The following PYCR3 variants were observed in gnomAD, a reference collection of about 807,000 sequenced individuals.
PYCR3 encodes P5C reductase 3.
A neutral mutation model predicts 23.4 loss-of-function variants in PYCR3; 26 were observed. That is an observed-to-expected ratio of 1.11 (90% confidence interval 0.81 to 1.54). The LOEUF (loss-of-function observed/expected upper bound fraction) is 1.54. Among genes scored for constraint, PYCR3 ranks in the 40% most tolerant of loss-of-function variants. The pLI, the probability that PYCR3 is intolerant of heterozygous loss-of-function variation, is 0.00. For missense variants in PYCR3, 360 were observed against 376.3 expected (o/e 0.96, Z 0.36); for synonymous variants, 194 against 162.6 (o/e 1.19, Z -1.47).
At position 143,605,670 on chromosome 8, in the gene PYCR3, A is replaced by G; in HGVS notation, c.*30T>C. On this transcript the variant is annotated 3_prime_UTR_variant, in exon 6 of 6. Coordinates refer to ENST00000495276, the MANE Select transcript of PYCR3 (RefSeq NM_023078.6). ...GGGACACAGGGAGAGGCAGGGGCACAGAGGCAGGAAAGGATGGCCAGAGCC... is the reference window on the plus strand; with the variant it reads ...GGGACACAGGGAGAGGCAGGGGCACGGAGGCAGGAAAGGATGGCCAGAGCC... The G allele has an allele frequency of 1.3e-6, 2 of 1,569,628 alleles. No homozygotes were observed. The highest frequency in any genetic ancestry group is 1.7e-6 in the Non-Finnish European group (2 of 1,151,546).
intron 1 of PYCR3, among the ~76,000 whole-genome samples, chr8:143,609,138 T>C (rs1031985260): frequency 2.6e-5 from 4 of 152,120 alleles, no homozygotes; most frequent in African/African-American, 9.7e-5. Context: ...AGAGCCAAGG[T>C]GTCTGGGGGA....
chr8:143,607,182 AC>A, intron 2 of PYCR3, 50 bp from the exon 3 acceptor site: 2 of 1,461,458 alleles, frequency 1.4e-6, no homozygotes, highest in Non-Finnish European at 1.8e-6. Context: ...TAAGCGGCGC[AC>A]CCTCTCCATC....
At chr8:143,607,524 A>G (rs111547741) in intron 2 of PYCR3, among the ~76,000 whole-genome samples, 6 of 152,048 alleles carry the variant, frequency 3.9e-5, no homozygotes, top group African/African-American at 1.2e-4. Flanking sequence ...ACATGCACAC[A>G]CACCCACTCG....
At chr8:143,607,932 G>T in intron 2 of PYCR3, 130 bp downstream of exon 2, 1 of 703,504 alleles carries the variant, frequency 1.4e-6, no homozygotes, top group South Asian at 1.8e-5. Flanking sequence ...TCCCAGCCCA[G>T]ACCAGCCAGT....
rs539239916 is a variant in PYCR3 at position 143,608,196 on chromosome 8, G to C, written c.92-70C>G. On this transcript the variant is annotated intron_variant, in intron 1 of 5. Coordinates refer to ENST00000495276, the MANE Select transcript of PYCR3 (RefSeq NM_023078.6). ...TAGGATGGCACGGAGAGGAGAGGGA[G>C]CTCACTTGGCCTCTCAGGCTCAGCC... 3.9e-6 allele frequency: 5 copies of C among 1,283,672 alleles called. No individual in the cohort carries two copies. In the South Asian group the frequency reaches 6.0e-5, roughly 15 times the overall value. 79.5% of individuals were successfully genotyped at this position (1,283,672 alleles called of 1,614,324 possible). A position where few individuals can be genotyped will look rare whatever the true frequency, so the allele number is the denominator to read the frequency against.
chr8:143,607,184 C>G, intron 2 of PYCR3, 52 bp from the exon 3 acceptor site: 1 of 1,455,494 alleles, frequency 6.9e-7, no homozygotes, highest in East Asian at 2.5e-5. Context: ...AGCGGCGCAC[C>G]CTCTCCATCA....
intron 2 of PYCR3, 62 bp downstream of exon 2, chr8:143,608,000 G>A (rs1230591071): frequency 3.2e-6 from 4 of 1,268,612 alleles, no homozygotes; most frequent in Non-Finnish European, 3.4e-6. Context: ...GTCTTAGTGG[G>A]ACAGGAGCCA....
chr8:143,606,006 G>A, intron 5 of PYCR3, 56 bp downstream of exon 5: 4 of 1,566,748 alleles, frequency 2.6e-6, no homozygotes, highest in Non-Finnish European at 3.5e-6. Context: ...CCTGCGCACT[G>A]GAAGAGGTAC....
intron 4 of PYCR3, 37 bp downstream of exon 4, chr8:143,606,430 C>T (rs766480783): frequency 8.8e-6 from 14 of 1,599,616 alleles, no homozygotes; most frequent in African/African-American, 8.0e-5. Flanking sequence ...CCCTCTTTGC[C>T]GAGGGTGGGG....
chr8:143,609,533 G>A lies in PYCR3; in HGVS notation c.16C>T (p.Pro6Ser), dbSNP rs193920765. The change falls in exon 1 of 6, where the codon CCG becomes TCG. Residue 6 changes from proline (P) to serine (S), a missense_variant. By Grantham distance (74) the Pro-to-Ser change is moderately conservative. Transcript: ENST00000495276. ...ACGAAGCCCACGCGCCGCGGAGACG[G>A]CTCCGCAGCTGCCATCTTGTTGCCT... MAAAE[P>S]SPRRVGFVGA... 2.6e-6 allele frequency: 4 copies of A among 1,511,396 alleles called. No individual in the cohort carries two copies. Among genetic ancestry groups the A allele is most frequent in the Non-Finnish European group, 3.5e-6 (4 of 1,137,552 alleles). The allele number at this position is 1,511,396 out of a possible 1,614,324, so 93.6% of individuals were successfully genotyped here. A position where few individuals can be genotyped will look rare whatever the true frequency, so the allele number is the denominator to read the frequency against.
chr8:143,606,973 A>G lies in PYCR3; in HGVS notation c.316T>C (p.Ser106Pro), dbSNP rs1233630587. 2 of 1,605,906 alleles carry G rather than the reference A, an allele frequency of 1.2e-6. No homozygotes were observed. The highest frequency in any genetic ancestry group is 1.7e-6 in the Non-Finnish European group (2 of 1,174,464). The change falls in exon 3 of 6, where the codon TCT (serine) becomes CCT (proline). Residue 106 changes from serine (S) to proline (P), a missense_variant. By Grantham distance (74) the Ser-to-Pro change is moderately conservative. Transcript: ENST00000495276. ...HILVSVAAGV[S>P]LSTLEELLPP... ...CTCACCTCCTCCAGGGTGCTCAGAG[A>G]CACCCCAGCAGCCACGGACACCAAG...
chr8:143,606,710 CT>C, intron 3 of PYCR3, 31 bp from the exon 4 acceptor site: 2 of 1,555,570 alleles, frequency 1.3e-6, no homozygotes, highest in South Asian at 2.3e-5. Flanking sequence ...ATCAGGGAGT[CT>C]GTAGGACTGG....
chr8:143,607,271 C>T, intron 2 of PYCR3, 139 bp from the exon 3 acceptor site: 1 of 794,596 alleles, frequency 1.3e-6, no homozygotes, highest in South Asian at 2.0e-5. Context: ...ACCACCCCGA[C>T]TTCTCCAGTG....
chr8:143,604,483 TTGCACTGGTGGATTGATC>T lies in PYCR3; in HGVS notation c.*1199_*1216del. On this transcript the variant is annotated 3_prime_UTR_variant, in exon 6 of 6. Coordinates refer to ENST00000495276, the MANE Select transcript of PYCR3 (RefSeq NM_023078.6). ...TCCTGCAGGTGCCGTTAGCCCTGTT[TTGCACTGGTGGATTGATC>T]TGCTCAGGCGCACAGGGAGATGGCA... is the stretch of plus-strand genomic sequence containing the variant. 1 of 230,668 alleles carries T rather than the reference TTGCACTGGTGGATTGATC, an allele frequency of 4.3e-6. No individual in the cohort carries two copies. Among genetic ancestry groups the T allele is most frequent in the Non-Finnish European group, 8.7e-6 (1 of 114,808 alleles). The allele number at this position is 230,668 out of a possible 1,614,324, so 14.3% of individuals were successfully genotyped here.
chr8:143,607,625 C>A (rs185971358), intron 2 of PYCR3, among the ~76,000 whole-genome samples: 1 of 152,120 alleles, frequency 6.6e-6, no homozygotes, highest in Admixed American at 6.5e-5. Flanking sequence ...CAAGCACATA[C>A]GTGCACTCAC....
rs1456683604 is a variant in PYCR3 at position 143,606,988 on chromosome 8, C to T, written c.301G>A (p.Val101Met). ...VVTTEHILVS[V>M]AAGVSLSTLE... is the part of the protein sequence containing the mutation. ...GTGCTCAGAGACACCCCAGCAGCCA[C>T]GGACACCAAGATGTGTTCAGTGGTG... Residue 101 changes from valine (V) to methionine (M), a missense_variant, in exon 3 of 6, where the codon GTG (valine) becomes ATG (methionine). Coordinates refer to ENST00000495276, the MANE Select transcript of PYCR3 (RefSeq NM_023078.6). The T allele has an allele frequency of 9.3e-6, 15 of 1,609,636 alleles. No individual in the cohort carries two copies. Among genetic ancestry groups the T allele is most frequent in the South Asian group, 3.3e-5 (3 of 90,918 alleles).
Position 143,605,117 on chromosome 8 carries a change from C to A in PYCR3, c.*583G>T. On this transcript the variant is annotated 3_prime_UTR_variant, in exon 6 of 6. Transcript: ENST00000495276. ...GATGAGCACGCCCACCACAGCCACC[C>A]TCTTCTCCAGGCTGCAGGGCAGGCT... The A allele has an allele frequency of 2.8e-6, 1 of 361,474 alleles. No homozygotes were observed. Among genetic ancestry groups the A allele is most frequent in the South Asian group, 2.1e-5 (1 of 48,670 alleles). 22.4% of individuals were successfully genotyped at this position (361,474 alleles called of 1,614,324 possible). A position where few individuals can be genotyped will look rare whatever the true frequency, so the allele number is the denominator to read the frequency against.
Position 143,606,168 on chromosome 8 carries a change from A to G in PYCR3, c.550-14T>C. The G allele has an allele frequency of 6.3e-7, 1 of 1,596,348 alleles. No homozygotes were observed. Among genetic ancestry groups the G allele is most frequent in the African/African-American group, 1.3e-5 (1 of 74,734 alleles). ...GAATGCACACACCTGTAGCCGCGGC[A>G]TGGTGGTTGGGGGGGATAGGTGTCA... On this transcript the variant is annotated splice_polypyrimidine_tract_variant and intron_variant, in intron 4 of 5. Transcript: ENST00000495276.
intron 1 of PYCR3, among the ~76,000 whole-genome samples, chr8:143,609,136 G>C (rs1214672543): frequency 1.3e-5 from 2 of 152,216 alleles, no homozygotes; most frequent in Non-Finnish European, 2.9e-5. Context: ...CTAGAGCCAA[G>C]GTGTCTGGGG....
Sources: allele counts gnomAD v4.1 joint callset (sites outside exome capture counted in the v4.1 genomes callset), GRCh38; gene constraint gnomAD v4.1.1; transcripts MANE v1.5; gene names NCBI Gene and HGNC (gene_info 2026-07-23, HGNC 2026-07-21).